The following RELCH variants were observed in gnomAD, a reference collection of about 807,000 sequenced individuals.
RELCH encodes the protein RAB11 binding and LisH domain, coiled-coil and HEAT repeat containing.
In RELCH, 41 loss-of-function variants were observed where a neutral mutation model predicts 150.3. The ratio of observed to expected loss-of-function variants is 0.27; its 90% CI spans 0.21 to 0.35. RELCH has a LOEUF of 0.35. Among genes scored for constraint, RELCH ranks in the 10% least tolerant of loss-of-function variants. The pLI is 1.00. For synonymous variants in RELCH, 478 were observed against 531.8 expected (o/e 0.90, Z 1.39); for missense variants, 1,092 against 1,467.8 (o/e 0.74, Z 4.18).
chr18:62,211,485 C>G (rs1647526570), intron 2 of RELCH, among the ~76,000 whole-genome samples: 1 of 152,190 alleles, frequency 6.6e-6, no homozygotes, highest in South Asian at 2.1e-4. Context: ...TTGGAGCCAG[C>G]AGTTTACAAC....
chr18:62,222,975 C>A (rs949889738), intron 5 of RELCH, among the ~76,000 whole-genome samples: 1 of 151,744 alleles, frequency 6.6e-6, no homozygotes, highest in African/African-American at 2.4e-5. Context: ...TGGGATATAA[C>A]TAAAATAGCA....
intron 13 of RELCH, 76 bp downstream of exon 13, chr18:62,255,554 T>C: frequency 9.7e-7 from 1 of 1,035,818 alleles, no homozygotes; most frequent in South Asian, 1.4e-5. Context: ...GTCTTATAGA[T>C]TTTAATCCAA....
intron 15 of RELCH, among the ~76,000 whole-genome samples, chr18:62,259,865 C>G (rs1253268435): frequency 6.6e-6 from 1 of 151,602 alleles, no homozygotes; most frequent in African/African-American, 2.4e-5. Context: ...ACAAAGGCAC[C>G]AAGAACATAT....
chr18:62,201,091 A>G (rs1197786930), intron 1 of RELCH, among the ~76,000 whole-genome samples: 2 of 145,080 alleles, frequency 1.4e-5, no homozygotes, highest in African/African-American at 2.6e-5. Flanking sequence ...CTCCTGCCTC[A>G]GCCTCCCAAG....
intron 14 of RELCH, 27 bp downstream of exon 14, chr18:62,258,115 T>A (rs1040082952): frequency 1.3e-6 from 2 of 1,547,012 alleles, no homozygotes; most frequent in Non-Finnish European, 1.8e-6. Flanking sequence ...GAACTGATTT[T>A]ACTCCATTAT....
chr18:62,279,684 C>A, intron 22 of RELCH, 90 bp from the exon 23 acceptor site: 1 of 825,116 alleles, frequency 1.2e-6, no homozygotes, highest in Non-Finnish European at 1.9e-6. Flanking sequence ...TTCTCTCTTT[C>A]TCTTGGTTGT....
At chr18:62,190,231 T>G (rs1403907382) in intron 1 of RELCH, among the ~76,000 whole-genome samples, 1 of 152,212 alleles carries the variant, frequency 6.6e-6, no homozygotes, top group Non-Finnish European at 1.5e-5. Context: ...TTTACACGTT[T>G]TAAGTGTGTG....
chr18:62,251,863 G>A (rs548542167), intron 11 of RELCH, among the ~76,000 whole-genome samples: 2 of 152,204 alleles, frequency 1.3e-5, no homozygotes, highest in South Asian at 4.2e-4. Context: ...ATGAGATTCA[G>A]CCTCATACCT....
intron 2 of RELCH, 150 bp from the exon 3 acceptor site, chr18:62,220,887 G>T: frequency 1.4e-6 from 1 of 699,918 alleles, no homozygotes; most frequent in Non-Finnish European, 2.5e-6. Context: ...TGCTGCATGC[G>T]TTCACAAGTT....
At chr18:62,233,909 T>C (rs2041732013) in intron 10 of RELCH, among the ~76,000 whole-genome samples, 1 of 152,024 alleles carries the variant, frequency 6.6e-6, no homozygotes, top group African/African-American at 2.4e-5. Flanking sequence ...AGATACATTA[T>C]ACATACAGAT....
rs1225096857 is a variant in RELCH at position 62,229,488 on chromosome 18, GT to G, written c.1448+891del. On this transcript the variant is annotated intron_variant, in intron 8 of 28. Transcript: ENST00000644646. ...AGCTTCTTCTGTGTATAGTAGGGGT[GT>G]GTGTGTGTGTGTGTGTGTGTGTGTG... 1.9e-3 allele frequency among the ~76,000 whole-genome samples: 173 copies of G among 90,108 alleles called. 2 individuals are homozygous for G. Among genetic ancestry groups the G allele is most frequent in the African/African-American group, 6.9e-3 (160 of 23,314 alleles). 59.1% of individuals were successfully genotyped at this position (90,108 alleles called of 152,430 possible).
intron 2 of RELCH, among the ~76,000 whole-genome samples, chr18:62,218,751 A>G (rs2040641875): frequency 6.6e-6 from 1 of 151,994 alleles, no homozygotes; most frequent in Admixed American, 6.6e-5. Flanking sequence ...TTGGACTATG[A>G]GCCACTTGGT....
chr18:62,280,276 G>C (rs2044437824), intron 23 of RELCH: 1 of 1,094,780 alleles, frequency 9.1e-7, no homozygotes, highest in Non-Finnish European at 1.4e-6. Flanking sequence ...CAATGAGTCT[G>C]CCTGCCCATC....
chr18:62,228,177 C>T (rs1228145287), intron 7 of RELCH, 128 bp from the exon 8 acceptor site: 2 of 708,828 alleles, frequency 2.8e-6, no homozygotes, highest in Non-Finnish European at 4.7e-6. Context: ...AGATTTATTA[C>T]TTGCCAATCA....
At chr18:62,248,637 A>T (rs1211678579) in intron 11 of RELCH, among the ~76,000 whole-genome samples, 2 of 152,194 alleles carry the variant, frequency 1.3e-5, no homozygotes, top group African/African-American at 4.8e-5. Context: ...TAGATACATT[A>T]TGATCTTTTA....
In RELCH at chr18:62,289,499, G is replaced by A. The variant is rs1410948642; in HGVS notation, c.3370+2032G>A. ...ATTTAGGAATGTTTAACCTGGAGAA[G>A]AGATGGCTTGGGGATGAAAAGATAT... On this transcript the variant is annotated intron_variant, in intron 26 of 28. Coordinates refer to ENST00000644646, the MANE Select transcript of RELCH (RefSeq NM_001346231.2). Among the ~76,000 whole-genome samples the A allele has an allele frequency of 3.3e-5, 5 of 152,218 alleles. No individual in the cohort carries two copies. In the South Asian group the frequency reaches 6.2e-4, roughly 19 times the overall value.
At chr18:62,266,618 G>A in intron 18 of RELCH, 83 bp from the exon 19 acceptor site, 1 of 777,976 alleles carries the variant, frequency 1.3e-6, no homozygotes, top group Non-Finnish European at 2.2e-6. Context: ...ATGAATAGTA[G>A]TAGCAACAGT....
At chr18:62,229,485 GGT>G (rs58842870) in intron 8 of RELCH, among the ~76,000 whole-genome samples, 17,219 of 143,190 alleles carry the variant, frequency 0.12, 1,020 homozygotes, top group African/African-American at 0.16. Flanking sequence ...GTATAGTAGG[GGT>G]GTGTGTGTGT....
rs769346600 is a variant in RELCH at position 62,187,573 on chromosome 18, A to G, written c.68A>G (p.Asp23Gly). The G allele has an allele frequency of 2.0e-6, 3 of 1,522,768 alleles. No homozygotes were observed. The highest frequency in any genetic ancestry group is 4.5e-5 in the East Asian group (2 of 44,064). The allele number at this position is 1,522,768 out of a possible 1,614,324, so 94.3% of individuals were successfully genotyped here. A position where few individuals can be genotyped will look rare whatever the true frequency, so the allele number is the denominator to read the frequency against. ...GTGAATCCATTTCTCAGTGATTCGG[A>G]TGAGGACGATGACGAGGTAGCTGCA... Reference protein sequence around the residue: ...GGVNPFLSDSDEDDDEVAATE... With the variant: ...GGVNPFLSDSGEDDDEVAATE... The change falls in exon 1 of 29, where the codon GAT becomes GGT. Residue 23 changes from aspartate (D) to glycine (G), a missense_variant. By Grantham distance (94) the Asp-to-Gly change is moderately conservative. Transcript: ENST00000644646.
Sources: gnomAD v4.1 joint callset for allele counts (sites outside exome capture counted in the v4.1 genomes callset) on GRCh38, gnomAD v4.1.1 for gene constraint, MANE v1.5 for transcripts, NCBI Gene and HGNC (gene_info 2026-07-23, HGNC 2026-07-21) for gene names.